Variants in MYO7B observed in about 807,000 individuals in gnomAD.
The protein encoded by MYO7B is myosin VIIB.
In MYO7B, 212 loss-of-function variants were observed where a neutral mutation model predicts 259.7. The ratio of observed to expected loss-of-function variants is 0.82; its 90% CI spans 0.73 to 0.91. MYO7B has a LOEUF of 0.91. Among genes scored for constraint, MYO7B ranks in the 40% least tolerant of loss-of-function variants. The probability of loss-of-function intolerance (pLI) is 0.00; values close to 1 mark genes in which losing one functional copy is unlikely to be tolerated. For synonymous variants in MYO7B, 1,197 were observed against 1,166.4 expected, an observed-to-expected ratio of 1.03 and a Z score of -0.54; for missense variants, 2,732 against 2,813.5, an observed-to-expected ratio of 0.97 and a Z score of 0.66.
rs747382780 is a variant in MYO7B at position 127,576,637 on chromosome 2, A to G, written c.778A>G (p.Met260Val). ...RNYHIFYCML[M>V]GVSAEDKQLL... ...CTACCATATCTTCTACTGCATGCTC[A>G]TGGGGGTGAGTGCTGAGGACAAGCA... Residue 260 changes from methionine (M) to valine (V), a missense_variant, in exon 8 of 48, where the codon ATG (methionine) becomes GTG (valine). Physicochemically the swap from Met to Val is conservative, Grantham distance 21. This residue lies in a region of MYO7B where 1,906 missense variants were observed against 2,026.4 expected (regional missense o/e 0.94). Coordinates refer to ENST00000409816, the MANE Select transcript of MYO7B (RefSeq NM_001393586.1). This position sits in a 1 kb window ranked among gnomAD's most constrained non-coding sequence, Gnocchi z 4.9. The G allele has an allele frequency of 1.2e-6, 2 of 1,610,580 alleles. No individual in the cohort carries two copies. Among genetic ancestry groups the G allele is most frequent in the South Asian group, 1.1e-5 (1 of 90,854 alleles).
At chr2:127,618,285 TAAAAC>T (rs760704945) in intron 26 of MYO7B, among the ~76,000 whole-genome samples, 90 of 152,302 alleles carry the variant, frequency 5.9e-4, no homozygotes, top group Non-Finnish European at 1.0e-3. Context: ...AATGAAAACT[TAAAAC>T]AAAAGAAACT....
Position 127,576,711 on chromosome 2 carries a change from G to T in MYO7B, c.849+3G>T, listed in dbSNP as rs368734470. 5 of 1,582,756 alleles carry T rather than the reference G, an allele frequency of 3.2e-6. No homozygotes were observed. In the African/African-American group the frequency reaches 6.7e-5, roughly 21 times the overall value. On this transcript the variant is annotated splice_donor_region_variant and intron_variant, in intron 8 of 47. Coordinates refer to ENST00000409816, the MANE Select transcript of MYO7B (RefSeq NM_001393586.1). This position sits in a 1 kb window ranked among gnomAD's most constrained non-coding sequence, Gnocchi z 4.9. ...CCGAGTACCACTACCTGACCATGGTGAGCTGCCCACCTGCCGCCTCCCAGT... is the reference window on the plus strand; with the variant it reads ...CCGAGTACCACTACCTGACCATGGTTAGCTGCCCACCTGCCGCCTCCCAGT...
chr2:127,592,951 G>A lies in MYO7B; in HGVS notation c.2145+5G>A. 6.3e-7 allele frequency: 1 copy of A among 1,580,360 alleles called. No individual in the cohort carries two copies. Among genetic ancestry groups the A allele is most frequent in the Non-Finnish European group, 8.6e-7 (1 of 1,164,134 alleles). On this transcript the variant is annotated splice_donor_5th_base_variant and intron_variant, in intron 17 of 47. Transcript: ENST00000409816. ...CCCAACGCCATGCGGATGCAGGTCA[G>A]CGCCCCTCGGGGACGGTCACCTCTG...
At chr2:127,542,230 G>A (rs1325383882) in intron 1 of MYO7B, among the ~76,000 whole-genome samples, 16 of 152,212 alleles carry the variant, frequency 1.1e-4, no homozygotes, top group Non-Finnish European at 2.4e-4. Flanking sequence ...CCAGAAGAGG[G>A]GCATACCCTT....
At chr2:127,605,725 C>A in intron 19 of MYO7B, 119 bp from the exon 20 acceptor site, 1 of 830,498 alleles carries the variant, frequency 1.2e-6, no homozygotes. Context: ...AAGGATTGTA[C>A]GTATTCATTT....
intron 1 of MYO7B, among the ~76,000 whole-genome samples, chr2:127,537,682 A>G (rs924678654): frequency 6.6e-6 from 1 of 151,910 alleles, no homozygotes; most frequent in African/African-American, 2.4e-5. Flanking sequence ...TAGGAGGAGG[A>G]GGAAGAAGAA....
chr2:127,542,897 G>A (rs995423950), intron 1 of MYO7B, among the ~76,000 whole-genome samples: 2 of 152,242 alleles, frequency 1.3e-5, no homozygotes, highest in Non-Finnish European at 1.5e-5. Flanking sequence ...GTGCTTTAAT[G>A]TGCACATACA....
At chr2:127,537,054 T>C (rs1349363023) in intron 1 of MYO7B, among the ~76,000 whole-genome samples, 1 of 152,244 alleles carries the variant, frequency 6.6e-6, no homozygotes, top group Admixed American at 6.5e-5. Flanking sequence ...AAGATCTTAA[T>C]TGGCTTTTAT....
chr2:127,573,344 T>G (rs932964209), intron 6 of MYO7B, among the ~76,000 whole-genome samples: 3 of 152,230 alleles, frequency 2.0e-5, no homozygotes, highest in African/African-American at 7.2e-5. Context: ...TAGGATGTAA[T>G]GCAAAATATC....
At chr2:127,587,526 CTGTG>C (rs1341909787) in intron 14 of MYO7B, among the ~76,000 whole-genome samples, 7 of 151,524 alleles carry the variant, frequency 4.6e-5, no homozygotes, top group African/African-American at 1.7e-4. Context: ...TTCCTTCTCT[CTGTG>C]TGTGTCTGTG....
intron 16 of MYO7B, among the ~76,000 whole-genome samples, chr2:127,591,342 C>T (rs886219694): frequency 1.2e-4 from 18 of 152,206 alleles, no homozygotes; most frequent in Admixed American, 1.2e-3. Context: ...CCCTGCCTAC[C>T]TTGGGAGCTG....
At chr2:127,540,711 A>G (rs998149564) in intron 1 of MYO7B, among the ~76,000 whole-genome samples, 3 of 152,164 alleles carry the variant, frequency 2.0e-5, no homozygotes, top group African/African-American at 7.2e-5. Context: ...AGGATTTCTC[A>G]AGGACCATCC....
At chr2:127,634,444 G>A (rs958878919) in intron 41 of MYO7B, 152 bp from the exon 42 acceptor site, 1 of 874,812 alleles carries the variant, frequency 1.1e-6, no homozygotes, top group South Asian at 1.7e-5. Context: ...GGGTCCTGGA[G>A]CAGAGCCAGC....
chr2:127,562,359 C>A (rs529682876), intron 2 of MYO7B, among the ~76,000 whole-genome samples: 12 of 152,040 alleles, frequency 7.9e-5, no homozygotes, highest in African/African-American at 2.9e-4. Flanking sequence ...TGCAGTGGCA[C>A]GATCACAATT....
chr2:127,552,162 C>A (rs375039501), intron 1 of MYO7B, among the ~76,000 whole-genome samples: 5 of 152,120 alleles, frequency 3.3e-5, no homozygotes, highest in South Asian at 2.1e-4. Context: ...TTTCTTTGGG[C>A]CTTTTAATTT....
intron 1 of MYO7B, among the ~76,000 whole-genome samples, chr2:127,549,127 TTCTC>T (rs144569162): frequency 0.014 from 2,078 of 149,178 alleles, 54 homozygotes; most frequent in African/African-American, 0.049. Context: ...TCTCTCTTCT[TTCTC>T]TCTTTCTTTC....
Position 127,582,000 on chromosome 2 carries a change from C to T in MYO7B, c.1190C>T (p.Ala397Val). 6.2e-7 allele frequency: 1 copy of T among 1,613,838 alleles called. No individual in the cohort carries two copies. Among genetic ancestry groups the T allele is most frequent in the Admixed American group, 1.7e-5 (1 of 60,022 alleles). Residue 397 changes from alanine (A) to valine (V), a missense_variant, in exon 11 of 48, where the codon GCC becomes GTC. Transcript: ENST00000409816. ...NIAQAADRRD[A>V]FVKGIYGHLF... is the part of the protein sequence containing the mutation. ...GCCCAGGCTGCTGACCGGAGGGACG[C>T]CTTTGTCAAGGTACAGAGCTGAGAG...
At chr2:127,625,654 C>G (rs1681073058) in intron 31 of MYO7B, 119 bp downstream of exon 31, 1 of 1,153,312 alleles carries the variant, frequency 8.7e-7, no homozygotes. Context: ...TGGGGAACAA[C>G]AAGCCTCAGC....
rs967702532 is a variant in MYO7B, at chr2:127,614,381, CT to C, written c.3398+1782del. Among the ~76,000 whole-genome samples, 11 of 152,116 alleles carry C rather than the reference CT, an allele frequency of 7.2e-5. No individual in the cohort carries two copies. Among genetic ancestry groups the C allele is most frequent in the African/African-American group, 2.7e-4 (11 of 41,412 alleles). On this transcript the variant is annotated intron_variant, in intron 26 of 47. Transcript: ENST00000409816. The surrounding 1 kb of genome is among the most constrained non-coding windows in gnomAD (Gnocchi z 4.6). ...TGAAGCTCAGCTCCTTCCACGACAT[CT>C]TTTGGTCAGCAGGAAGCTCATGCCT...
Sources: gnomAD v4.1 joint callset for allele counts (sites outside exome capture counted in the v4.1 genomes callset) on GRCh38, gnomAD v4.1.1 for gene constraint, gnomAD v4.1.1 regional missense constraint, Gnocchi (gnomAD v3.1) non-coding constraint, MANE v1.5 for transcripts, NCBI Gene and HGNC (gene_info 2026-07-23, HGNC 2026-07-21) for gene names.